Variants in MARF1 observed in about 807,000 individuals in gnomAD.
The protein encoded by MARF1 is meiosis regulator and mRNA stability factor 1.
In MARF1, 24 loss-of-function variants were observed where a neutral mutation model predicts 168.2. That is an observed-to-expected ratio of 0.14 (90% CI 0.10 to 0.20). MARF1 has a LOEUF of 0.20. MARF1 is among the 10% of genes least tolerant of loss of function. MARF1 has a pLI of 1.00. For missense variants in MARF1, 1,744 were observed against 2,143.6 expected, an observed-to-expected ratio of 0.81 and a Z score of 3.68; for synonymous variants, 868 against 822.4, an observed-to-expected ratio of 1.06 and a Z score of -0.95.
In MARF1 at chr16:15,621,765, G is replaced by A. The variant is rs762490199; in HGVS notation, c.2607C>T (p.Thr869=). ...AAGAGAGTGATTTGCTGGCAGCCCC[G>A]GTGGCAAGTGAGACCAGGATCTTTT... is the stretch of plus-strand genomic sequence containing the variant. ...GSKKILVSLA[T]GAASKSLSLL... Residue 869 remains threonine, a synonymous_variant, in exon 12 of 27, where the codon ACC becomes ACT. Transcript: ENST00000396368. 8.1e-6 allele frequency: 13 copies of A among 1,613,978 alleles called. No homozygotes were observed. In the South Asian group the frequency reaches 9.9e-5, roughly 12 times the overall value.
intron 4 of MARF1, 54 bp downstream of exon 4, chr16:15,634,703 T>A (rs967467092): frequency 2.0e-6 from 3 of 1,509,526 alleles, no homozygotes; most frequent in Non-Finnish European, 2.7e-6. Flanking sequence ...AATGTTAGTA[T>A]GAGATATTGA....
intron 2 of MARF1, 28 bp downstream of exon 2, chr16:15,639,062 C>T (rs749657955): frequency 1.1e-4 from 182 of 1,602,702 alleles, no homozygotes; most frequent in Non-Finnish European, 1.4e-4. Flanking sequence ...GAGGAATCTG[C>T]TACATCCTTA....
rs757386657 is a variant in MARF1, at chr16:15,639,190, C to A, written c.44G>T (p.Arg15Leu). The A allele has an allele frequency of 1.9e-6, 3 of 1,614,150 alleles. No homozygotes were observed. Among genetic ancestry groups the A allele is most frequent in the South Asian group, 1.1e-5 (1 of 91,068 alleles). ...NGTENSCSRT[R>L]GWLQQDNDAK... Reference sequence around the variant, plus strand: ...ATCATTATCTTGTTGAAGCCATCCACGTGTTCTACTGCAGGAGTTCTCAGT... The same window carrying A: ...ATCATTATCTTGTTGAAGCCATCCAAGTGTTCTACTGCAGGAGTTCTCAGT... Residue 15 changes from arginine (R) to leucine (L), a missense_variant, in exon 2 of 27, where the codon CGT (arginine) becomes CTT (leucine). Transcript: ENST00000396368.
rs369369957 is a variant in MARF1 at position 15,636,052 on chromosome 16, C to T, written c.435G>A (p.Thr145=). The change falls in exon 3 of 27, where the codon ACG becomes ACA. Residue 145 remains threonine, a synonymous_variant. Transcript: ENST00000396368. ...AAGCAAACCCTGACCCTACCTGACA[C>T]GTGATTGTCCTGGTGCTTTGCGAGT... ...LLDSQSTRTI[T]CQVGSGFAFQ... The T allele has an allele frequency of 1.4e-5, 22 of 1,614,116 alleles. No homozygotes were observed. Among genetic ancestry groups the T allele is most frequent in the South Asian group, 3.3e-5 (3 of 91,090 alleles).
rs754194346 is a variant in MARF1, at chr16:15,617,047, T to TTCA, written c.3077+2_3077+4dup. ...TATATCGACAAAGGCTTTGAGATGG[T>TTCA]TCACCTCAATAAAGGCACGGTGCCC... On this transcript the variant is annotated splice_donor_region_variant and intron_variant, in intron 15 of 26. Coordinates refer to ENST00000396368, the MANE Select transcript of MARF1 (RefSeq NM_014647.4). 1.9e-6 allele frequency: 3 copies of TTCA among 1,609,700 alleles called. No homozygotes were observed. The East Asian group carries it at 6.7e-5, about 36-fold the overall frequency.
At chr16:15,636,598 G>A (rs2151305262) in intron 2 of MARF1, among the ~76,000 whole-genome samples, 1 of 152,090 alleles carries the variant, frequency 6.6e-6, no homozygotes. Flanking sequence ...GGGGTGGGAG[G>A]GCCTGTTTAC....
intron 7 of MARF1, among the ~76,000 whole-genome samples, chr16:15,626,359 G>C (rs748662050): frequency 4.6e-5 from 7 of 152,096 alleles, no homozygotes; most frequent in Non-Finnish European, 8.8e-5. Flanking sequence ...TAAAAGAGCT[G>C]AATTTTGTAA....
At chr16:15,639,067 T>G (rs1297997592) in intron 2 of MARF1, 23 bp downstream of exon 2, 1 of 1,607,680 alleles carries the variant, frequency 6.2e-7, no homozygotes. Flanking sequence ...ATCTGCTACA[T>G]CCTTAGTCTT....
chr16:15,601,868 G>T, intron 23 of MARF1, 123 bp downstream of exon 23: 2 of 801,324 alleles, frequency 2.5e-6, no homozygotes, highest in Non-Finnish European at 4.3e-6. Flanking sequence ...AGTATGTTTT[G>T]AAAGGATCAA....
chr16:15,628,629 G>A (rs992661868), intron 7 of MARF1, among the ~76,000 whole-genome samples: 9 of 152,022 alleles, frequency 5.9e-5, no homozygotes, highest in South Asian at 2.1e-4. Flanking sequence ...GGCTGGTCTC[G>A]AACTCCTGAC....
At position 15,598,975 on chromosome 16, in the gene MARF1, G is replaced by C; in HGVS notation, c.4863C>G (p.Pro1621=). ...GGACAGGCGCACACAGGAGGTCGACGGGGGAGTCGTCGGTCAGGCGGAGAA... is the reference window on the plus strand; with the variant it reads ...GGACAGGCGCACACAGGAGGTCGACCGGGGAGTCGTCGGTCAGGCGGAGAA... ...QELLRLTDDS[P]VDLLCAPVPS... is the part of the protein sequence containing the mutation. Residue 1621 remains proline, a synonymous_variant, in exon 26 of 27, where the codon CCC becomes CCG. Coordinates refer to ENST00000396368, the MANE Select transcript of MARF1 (RefSeq NM_014647.4). The C allele has an allele frequency of 6.2e-7, 1 of 1,612,200 alleles. No homozygotes were observed. The highest frequency in any genetic ancestry group is 8.5e-7 in the Non-Finnish European group (1 of 1,179,244).
At chr16:15,629,151 A>C (rs986835773) in intron 7 of MARF1, among the ~76,000 whole-genome samples, 2 of 152,004 alleles carry the variant, frequency 1.3e-5, no homozygotes, top group African/African-American at 4.8e-5. Flanking sequence ...GTATTTACAT[A>C]AGGCCTTCAA....
Position 15,634,886 on chromosome 16 carries a change from T to C in MARF1, c.877A>G (p.Ile293Val), listed in dbSNP as rs1382965933. 8.7e-6 allele frequency: 14 copies of C among 1,613,962 alleles called. No individual in the cohort carries two copies. Among genetic ancestry groups the C allele is most frequent in the Non-Finnish European group, 1.1e-5 (13 of 1,179,986 alleles). Reference protein sequence around the residue: ...IIDAAKVWPNIPPPNTQPAPL... With the variant: ...IIDAAKVWPNVPPPNTQPAPL... Reference sequence around the variant, plus strand: ...GCAGGTTGAGTATTTGGAGGTGGTATATTTGGCCAGACTTTAGCCGCATCG... The same window carrying C: ...GCAGGTTGAGTATTTGGAGGTGGTACATTTGGCCAGACTTTAGCCGCATCG... The change falls in exon 4 of 27, where the codon ATA becomes GTA. Residue 293 changes from isoleucine (I) to valine (V), a missense_variant. This residue lies in a region of MARF1 where 217 missense variants were observed against 372.4 expected (regional missense o/e 0.58). Coordinates refer to ENST00000396368, the MANE Select transcript of MARF1 (RefSeq NM_014647.4).
intron 25 of MARF1, 49 bp downstream of exon 25, chr16:15,600,379 T>G (rs749649103): frequency 1.9e-6 from 3 of 1,610,484 alleles, no homozygotes; most frequent in Non-Finnish European, 2.5e-6. Flanking sequence ...CCAAAGCCGT[T>G]TCTCCTAGAA....
At chr16:15,611,758 TACACATAAG>T (rs1240811789) in intron 17 of MARF1, 24 bp from the exon 18 acceptor site, 2 of 1,611,984 alleles carry the variant, frequency 1.2e-6, no homozygotes, top group African/African-American at 2.7e-5. Flanking sequence ...AGTTTATTTA[TACACATAAG>T]ACCTCAGCAG....
At chr16:15,603,405 C>T (rs753714918) in intron 22 of MARF1, among the ~76,000 whole-genome samples, 20 of 152,072 alleles carry the variant, frequency 1.3e-4, no homozygotes, top group Non-Finnish European at 2.6e-4. Flanking sequence ...AACTCCTGGG[C>T]TCAAGTGATT....
chr16:15,597,460 G>C (rs891129340), intron 26 of MARF1, among the ~76,000 whole-genome samples: 5 of 152,216 alleles, frequency 3.3e-5, no homozygotes, highest in Admixed American at 6.5e-5. Flanking sequence ...CAGAACCCAG[G>C]AAGTTGAGCA....
intron 4 of MARF1, among the ~76,000 whole-genome samples, chr16:15,634,177 G>T (rs2035434596): frequency 6.6e-6 from 1 of 152,174 alleles, no homozygotes; most frequent in East Asian, 1.9e-4. Flanking sequence ...ACCGGATACT[G>T]CAGCTCCAGG....
rs1163034969 is a variant in MARF1 at position 15,599,034 on chromosome 16, CAAGG to C, written c.4814-14_4814-11del. The C allele has an allele frequency of 6.2e-7, 1 of 1,604,094 alleles. No individual in the cohort carries two copies. The highest frequency in any genetic ancestry group is 8.5e-7 in the Non-Finnish European group (1 of 1,176,798). On this transcript the variant is annotated splice_polypyrimidine_tract_variant and intron_variant, in intron 25 of 26. Coordinates refer to ENST00000396368, the MANE Select transcript of MARF1 (RefSeq NM_014647.4). ...TCTGTGTGACTGGGCCCTGGGCAAACAAGGAGGGCCGTGACACCACAGGACCTCC... is the reference window on the plus strand; with the variant it reads ...TCTGTGTGACTGGGCCCTGGGCAAACAGGGCCGTGACACCACAGGACCTCC...
Sources: allele counts gnomAD v4.1 joint callset (sites outside exome capture counted in the v4.1 genomes callset), GRCh38; gene constraint gnomAD v4.1.1; regional missense constraint gnomAD v4.1.1; transcripts MANE v1.5; gene names NCBI Gene and HGNC (gene_info 2026-07-23, HGNC 2026-07-21).